The following CFAP20DC variants were observed in gnomAD, a reference collection of about 807,000 sequenced individuals.
CFAP20DC encodes protein CFAP20DC.
A neutral mutation model predicts 101.7 loss-of-function variants in CFAP20DC; 84 were observed. The observed-to-expected ratio is 0.83, with a 90% CI of 0.69 to 0.99. The LOEUF is 0.99. Ranked by LOEUF, CFAP20DC falls within the 50% of genes least tolerant of loss-of-function variation. The pLI is 0.00. For missense variants in CFAP20DC, 1,007 were observed against 970.3 expected (o/e 1.04, Z -0.50); for synonymous variants, 359 against 351.2 (o/e 1.02, Z -0.25).
intron 4 of CFAP20DC, 45 bp from the exon 5 acceptor site, chr3:58,937,807 A>G (rs546831138): frequency 2.9e-6 from 3 of 1,030,062 alleles, no homozygotes; most frequent in African/African-American, 3.2e-5. Flanking sequence ...CCATCAATTT[A>G]ATAACCACTT....
rs1235698723 is a variant in CFAP20DC, at chr3:59,014,664, C to T, written c.278+24893G>A. 6.6e-6 allele frequency among the ~76,000 whole-genome samples: 1 copy of T among 152,098 alleles called. No individual in the cohort carries two copies. The highest frequency in any genetic ancestry group is 1.5e-5 in the Non-Finnish European group (1 of 68,018). On this transcript the variant is annotated intron_variant, in intron 4 of 16. Transcript: ENST00000482387. The surrounding 1 kb of genome is among the most constrained non-coding windows in gnomAD (Gnocchi z 4.9). Reference sequence around the variant, plus strand: ...AGTCTGTTAAGGAGTTAACAGACATCTGATGTTTGAAGTGAGAGTAATTTA... The same window carrying T: ...AGTCTGTTAAGGAGTTAACAGACATTTGATGTTTGAAGTGAGAGTAATTTA...
intron 15 of CFAP20DC, among the ~76,000 whole-genome samples, chr3:58,800,455 T>A (rs12636117): frequency 0.095 from 14,414 of 152,136 alleles, 1,156 homozygotes; most frequent in East Asian, 0.35. Context: ...GAGAGGGGTA[T>A]TGATGGCATT....
intron 3 of CFAP20DC, among the ~76,000 whole-genome samples, chr3:58,734,746 C>T (rs2067712593): frequency 1.3e-5 from 2 of 152,142 alleles, no homozygotes; most frequent in Non-Finnish European, 2.9e-5. Context: ...CTCTTTTCTG[C>T]ACCATGTCAC....
chr3:58,932,985 G>T (rs1338755494), intron 5 of CFAP20DC, among the ~76,000 whole-genome samples: 2 of 152,140 alleles, frequency 1.3e-5, no homozygotes, highest in Non-Finnish European at 2.9e-5. Flanking sequence ...TGGCAAATTG[G>T]ATAGAGACAA....
In CFAP20DC at chr3:58,861,056, A is replaced by C. The variant is rs1399502179; in HGVS notation, c.1593+2502T>G. Among the ~76,000 whole-genome samples the C allele has an allele frequency of 6.6e-5, 10 of 152,208 alleles. No homozygotes were observed. The highest frequency in any genetic ancestry group is 2.4e-4 in the African/African-American group (10 of 41,472). On this transcript the variant is annotated intron_variant, in intron 12 of 16. Transcript: ENST00000482387. This position sits in a 1 kb window ranked among gnomAD's most constrained non-coding sequence, Gnocchi z 4.0. ...TCCAACACTAAGATCTCAGATGTGA[A>C]TTAATGATTAGCAACTTCAATTACA...
chr3:58,907,505 A>G (rs1340488976), intron 6 of CFAP20DC, among the ~76,000 whole-genome samples: 2 of 152,234 alleles, frequency 1.3e-5, no homozygotes, highest in Non-Finnish European at 2.9e-5. Flanking sequence ...ATTATCATTT[A>G]TGCACATCTA....
intron 12 of CFAP20DC, among the ~76,000 whole-genome samples, chr3:58,855,782 C>G (rs1237742773): frequency 7.4e-6 from 1 of 135,058 alleles, no homozygotes; most frequent in East Asian, 2.2e-4. Flanking sequence ...GGGAAATGAA[C>G]AATGAGAACA....
chr3:58,927,518 CCCA>C (rs2086118349), intron 5 of CFAP20DC, among the ~76,000 whole-genome samples: 1 of 152,142 alleles, frequency 6.6e-6, no homozygotes, highest in African/African-American at 2.4e-5. Context: ...CTACTTAGCT[CCCA>C]CCAAGTGCTT....
intron 14 of CFAP20DC, among the ~76,000 whole-genome samples, chr3:58,826,199 T>C (rs187525720): frequency 1.3e-5 from 2 of 152,308 alleles, no homozygotes; most frequent in East Asian, 3.9e-4. Context: ...ATTTATCAAA[T>C]CTTGAATTGA....
chr3:58,900,053 TAA>T (rs1322471091), intron 6 of CFAP20DC, among the ~76,000 whole-genome samples: 1 of 152,160 alleles, frequency 6.6e-6, no homozygotes, highest in East Asian at 1.9e-4. Context: ...TCCTGTGTGA[TAA>T]AGAGACATTT....
intron 6 of CFAP20DC, among the ~76,000 whole-genome samples, chr3:58,904,328 A>C (rs2083410845): frequency 6.6e-6 from 1 of 152,082 alleles, no homozygotes; most frequent in Non-Finnish European, 1.5e-5. Context: ...AATATAATAG[A>C]TATTTGAATC....
intron 6 of CFAP20DC, among the ~76,000 whole-genome samples, chr3:58,910,675 C>A (rs1021840232): frequency 1.1e-4 from 16 of 151,950 alleles, no homozygotes; most frequent in African/African-American, 3.1e-4. Flanking sequence ...ATTTCTGTTT[C>A]TTCTAGTCTC....
In CFAP20DC at chr3:58,729,598, CAG is replaced by C. The variant is rs1316931775; in HGVS notation, c.198-11972_198-11971del. ...CAATAATGTCATCTGCAAATAATGA[CAG>C]TGTTGTGTCTTTCTAATTCATATGG... On this transcript the variant is annotated intron_variant, in intron 3 of 3. Coordinates refer to the CFAP20DC transcript ENST00000486145. The surrounding 1 kb of genome is among the most constrained non-coding windows in gnomAD (Gnocchi z 4.4). Among the ~76,000 whole-genome samples, 2 of 152,076 alleles carry C rather than the reference CAG, an allele frequency of 1.3e-5. No homozygotes were observed. Among genetic ancestry groups the C allele is most frequent in the African/African-American group, 4.8e-5 (2 of 41,396 alleles).
chr3:58,753,832 C>A lies in CFAP20DC; in HGVS notation c.2269G>T (p.Val757Phe), dbSNP rs200231858. 4 of 1,612,472 alleles carry A rather than the reference C, an allele frequency of 2.5e-6. No homozygotes were observed. The East Asian group carries it at 8.9e-5, about 36-fold the overall frequency. Reference protein sequence around the residue: ...DWLNMLSPPIVPPSQQPAEQR... With the variant: ...DWLNMLSPPIFPPSQQPAEQR... Reference sequence around the variant, plus strand: ...TCAGCCGGCTGTTGACTGGGAGGAACGATTGGTGGGCTCAACATATTTAAC... The same window carrying A: ...TCAGCCGGCTGTTGACTGGGAGGAAAGATTGGTGGGCTCAACATATTTAAC... Residue 757 changes from valine (V) to phenylalanine (F), a missense_variant, in exon 16 of 17, where the codon GTT becomes TTT. Val to Phe is a conservative substitution (Grantham distance 50, BLOSUM62 -1). Transcript: ENST00000482387.
chr3:58,911,899 T>C (rs1449278130), intron 6 of CFAP20DC, among the ~76,000 whole-genome samples: 3 of 152,010 alleles, frequency 2.0e-5, no homozygotes, highest in Non-Finnish European at 4.4e-5. Flanking sequence ...TTTTGGCCAA[T>C]CTCCCTGTTT....
At chr3:58,896,755 T>C (rs1018818744) in intron 6 of CFAP20DC, among the ~76,000 whole-genome samples, 1 of 152,204 alleles carries the variant, frequency 6.6e-6, no homozygotes, top group African/African-American at 2.4e-5. Context: ...GGACTGTTTG[T>C]TACAATTTCA....
intron 6 of CFAP20DC, among the ~76,000 whole-genome samples, chr3:58,908,754 T>C (rs562093877): frequency 4.6e-5 from 7 of 152,324 alleles, no homozygotes; most frequent in Non-Finnish European, 7.4e-5. Flanking sequence ...AATGAAGATG[T>C]CTTTCAATAG....
chr3:58,985,649 C>CT (rs1559945057), intron 4 of CFAP20DC, among the ~76,000 whole-genome samples: 1 of 152,148 alleles, frequency 6.6e-6, no homozygotes, highest in South Asian at 2.1e-4. Flanking sequence ...AAATGCCGTG[C>CT]TTACCATTTG....
intron 3 of CFAP20DC, among the ~76,000 whole-genome samples, chr3:58,723,142 C>T (rs2067496115): frequency 6.6e-6 from 1 of 152,236 alleles, no homozygotes; most frequent in Non-Finnish European, 1.5e-5. Context: ...TTACTCAGCA[C>T]AATAATAAAT....
Sources: gnomAD v4.1 joint callset for allele counts (sites outside exome capture counted in the v4.1 genomes callset) on GRCh38, gnomAD v4.1.1 for gene constraint, Gnocchi (gnomAD v3.1) non-coding constraint, MANE v1.5 for transcripts, NCBI Gene and HGNC (gene_info 2026-07-23, HGNC 2026-07-21) for gene names.